SAAL1: variants seen among roughly 807,000 people sequenced by gnomAD.
SAAL1 encodes serum amyloid A like 1.
SAAL1 carries 42 observed loss-of-function variants against 59.8 expected under a neutral mutation model. That is an observed-to-expected ratio of 0.70 (90% CI 0.55 to 0.91). The LOEUF (loss-of-function observed/expected upper bound fraction) is 0.91. Ranked by LOEUF, SAAL1 falls within the 40% of genes least tolerant of loss-of-function variation. The pLI, the probability that SAAL1 is intolerant of heterozygous loss-of-function variation, is 0.00. For missense variants in SAAL1, 542 were observed against 561.1 expected (o/e 0.97, Z 0.34); for synonymous variants, 191 against 194.3 (o/e 0.98, Z 0.14).
rs1288834457 is a variant in SAAL1, at chr11:18,087,233, G to T, written c.771-8C>A. 1 of 1,590,604 alleles carries T rather than the reference G, an allele frequency of 6.3e-7. No individual in the cohort carries two copies. The highest frequency in any genetic ancestry group is 1.7e-5 in the Admixed American group (1 of 59,932). On this transcript the variant is annotated splice_region_variant and splice_polypyrimidine_tract_variant and intron_variant, in intron 7 of 11. Transcript: ENST00000524803. ...CATTCTGGATTTTCAGAACTAAATAGGAAAAGTAAAAGCACTGAATCAACA... is the reference window on the plus strand; with the variant it reads ...CATTCTGGATTTTCAGAACTAAATATGAAAAGTAAAAGCACTGAATCAACA...
In SAAL1 at chr11:18,106,045, TTTGTCGCGTCCCGCGC is replaced by T; in HGVS notation, c.-20_-5del. 6.3e-7 allele frequency: 1 copy of T among 1,598,878 alleles called. No homozygotes were observed. The stretch of plus-strand genomic sequence containing the variant: ...GCGGCGAGGGGTTGCGGTCCATGAC[TTTGTCGCGTCCCGCGC>T]TTGAAGGCCGTGCCGGAAGCTGCGG... On this transcript the variant is annotated 5_prime_UTR_variant, in exon 1 of 12. Coordinates refer to ENST00000524803, the MANE Select transcript of SAAL1 (RefSeq NM_138421.3).
chr11:18,084,722 T>TA (rs1271908129), intron 9 of SAAL1, among the ~76,000 whole-genome samples: 1 of 152,216 alleles, frequency 6.6e-6, no homozygotes, highest in Non-Finnish European at 1.5e-5. Context: ...AAACTCTTAA[T>TA]AAAATAGAAA....
intron 1 of SAAL1, among the ~76,000 whole-genome samples, chr11:18,103,741 TG>T (rs1197335087): frequency 6.6e-6 from 1 of 152,100 alleles, no homozygotes; most frequent in South Asian, 2.1e-4. Flanking sequence ...GGTTGGGAAA[TG>T]GATGAATACA....
intron 7 of SAAL1, among the ~76,000 whole-genome samples, chr11:18,088,879 T>C (rs1848494019): frequency 6.6e-6 from 1 of 152,212 alleles, no homozygotes; most frequent in African/African-American, 2.4e-5. Flanking sequence ...TTTCTAGTGA[T>C]TAGCAATAAA....
In SAAL1 at chr11:18,086,965, T is replaced by C. The variant is rs35525096; in HGVS notation, c.943A>G (p.Ile315Val). The C allele has an allele frequency of 0.088, 141,440 of 1,613,816 alleles. 6,696 individuals carry two copies. The highest frequency in any genetic ancestry group is 0.14 in the African/African-American group (10,852 of 75,002). The change falls in exon 9 of 12, where the codon ATT becomes GTT. Residue 315 changes from isoleucine to valine, a missense_variant. Ile to Val is a conservative substitution (Grantham distance 29). Coordinates refer to ENST00000524803, the MANE Select transcript of SAAL1 (RefSeq NM_138421.3). ...EFCQSDDPPI[I>V]LQEQKTVLAS... is the part of the protein sequence containing the mutation. The stretch of plus-strand genomic sequence containing the variant: ...AGCACTGTTTTCTGTTCTTGAAGAA[T>C]GATGGGTGGATCATCAGACTGGCAG...
At chr11:18,104,174 T>G (rs1036667093) in intron 1 of SAAL1, among the ~76,000 whole-genome samples, 24 of 152,228 alleles carry the variant, frequency 1.6e-4, no homozygotes, top group African/African-American at 5.8e-4. Flanking sequence ...ATGGTAAAAT[T>G]GGTTTCATTA....
intron 1 of SAAL1, among the ~76,000 whole-genome samples, chr11:18,105,071 T>C (rs1848673477): frequency 6.6e-6 from 1 of 152,004 alleles, no homozygotes; most frequent in Middle Eastern, 3.2e-3. Context: ...ACAATAACCT[T>C]ATATATAATA....
chr11:18,090,365 A>G, intron 5 of SAAL1, 69 bp downstream of exon 5: 1 of 1,567,330 alleles, frequency 6.4e-7, no homozygotes, highest in Non-Finnish European at 8.6e-7. Context: ...TCGAAAATAA[A>G]AAATTAACTT....
intron 2 of SAAL1, among the ~76,000 whole-genome samples, chr11:18,097,286 A>G (rs1274584189): frequency 6.6e-6 from 1 of 152,112 alleles, no homozygotes; most frequent in African/African-American, 2.4e-5. Context: ...ACACAAGAAA[A>G]AAAAAACACA....
chr11:18,104,376 T>C (rs1157693083), intron 1 of SAAL1, among the ~76,000 whole-genome samples: 2 of 152,084 alleles, frequency 1.3e-5, no homozygotes, highest in African/African-American at 4.8e-5. Flanking sequence ...ACAAAGTAAA[T>C]ACTGTTGCTA....
At chr11:18,083,861 A>T in intron 9 of SAAL1, 130 bp from the exon 10 acceptor site, 1 of 486,650 alleles carries the variant, frequency 2.1e-6, no homozygotes, top group Non-Finnish European at 3.6e-6. Context: ...GCAAGATGTC[A>T]GCCCATAAGA....
rs1002189657 is a variant in SAAL1, at chr11:18,089,615, G to A, written c.590-105C>T. Reference sequence around the variant, plus strand: ...TCTAAGAAAACCAAATCTTGCCAAAGCAGTACTTATTCTAAAGGGTGATTT... The same window carrying A: ...TCTAAGAAAACCAAATCTTGCCAAAACAGTACTTATTCTAAAGGGTGATTT... On this transcript the variant is annotated intron_variant, in intron 6 of 11. Transcript: ENST00000524803. 55 of 955,106 alleles carry A rather than the reference G, an allele frequency of 5.8e-5. No individual in the cohort carries two copies. In the Admixed American group the frequency reaches 9.5e-4, roughly 17 times the overall value. The allele number at this position is 955,106 out of a possible 1,614,324, so 59.2% of individuals were successfully genotyped here. A position where few individuals can be genotyped will look rare whatever the true frequency, so the allele number is the denominator to read the frequency against.
At chr11:18,087,569 A>G (rs1848480110) in intron 7 of SAAL1, among the ~76,000 whole-genome samples, 1 of 152,230 alleles carries the variant, frequency 6.6e-6, no homozygotes, top group African/African-American at 2.4e-5. Flanking sequence ...AAAGACTGCG[A>G]TTTTTATAGT....
At chr11:18,101,882 G>A (rs1039219452) in intron 2 of SAAL1, among the ~76,000 whole-genome samples, 1 of 147,974 alleles carries the variant, frequency 6.8e-6, no homozygotes, top group Non-Finnish European at 1.5e-5. Flanking sequence ...TAATTATGCT[G>A]TATAAAAGAG....
At chr11:18,087,095 C>T in intron 8 of SAAL1, 41 bp from the exon 9 acceptor site, 1 of 1,598,888 alleles carries the variant, frequency 6.3e-7, no homozygotes, top group Non-Finnish European at 8.6e-7. Flanking sequence ...TTAAAATCAG[C>T]AAACAATTAA....
intron 7 of SAAL1, among the ~76,000 whole-genome samples, chr11:18,087,855 A>G (rs1848482418): frequency 6.6e-6 from 1 of 152,226 alleles, no homozygotes; most frequent in Non-Finnish European, 1.5e-5. Flanking sequence ...AGGAGTTGAG[A>G]AAACAGATGT....
chr11:18,092,956 G>A (rs1401591696), intron 3 of SAAL1, among the ~76,000 whole-genome samples: 3 of 151,862 alleles, frequency 2.0e-5, no homozygotes, highest in African/African-American at 7.3e-5. Context: ...GGTCAACCTT[G>A]GTATAAAAGT....
chr11:18,098,220 T>C (rs946397880), intron 2 of SAAL1, among the ~76,000 whole-genome samples: 2 of 151,692 alleles, frequency 1.3e-5, no homozygotes, highest in African/African-American at 2.4e-5. Flanking sequence ...AGAACTGCTA[T>C]TGGGTCCTGT....
At chr11:18,082,048 A>G (rs1848416441) in intron 10 of SAAL1, among the ~76,000 whole-genome samples, 1 of 152,220 alleles carries the variant, frequency 6.6e-6, no homozygotes, top group Admixed American at 6.5e-5. Flanking sequence ...AGCTTTTTCA[A>G]GATGAAGTCT....
Sources: gnomAD v4.1 joint callset for allele counts (sites outside exome capture counted in the v4.1 genomes callset) on GRCh38, gnomAD v4.1.1 for gene constraint, MANE v1.5 for transcripts, NCBI Gene and HGNC (gene_info 2026-07-23, HGNC 2026-07-21) for gene names.